ITGA8: variants seen among roughly 807,000 people sequenced by gnomAD.
The protein encoded by ITGA8 is integrin subunit alpha 8.
ITGA8 carries 91 observed loss-of-function variants against 142.3 expected under a neutral mutation model. The observed-to-expected ratio is 0.64, with a 90% CI of 0.54 to 0.76. The LOEUF is 0.76. ITGA8 is among the 30% of genes least tolerant of loss of function. ITGA8 has a pLI of 0.00. For synonymous variants in ITGA8, 505 were observed against 485.2 expected (o/e 1.04, Z -0.54); for missense variants, 1,406 against 1,327.7 (o/e 1.06, Z -0.92).
At chr10:15,699,015 G>A (rs375824550) in intron 2 of ITGA8, among the ~76,000 whole-genome samples, 2 of 152,312 alleles carry the variant, frequency 1.3e-5, no homozygotes, top group East Asian at 3.9e-4. Flanking sequence ...GCTAGGCACA[G>A]TGGCTCATGC....
At chr10:15,543,016 A>T (rs1833602469) in intron 27 of ITGA8, among the ~76,000 whole-genome samples, 1 of 152,242 alleles carries the variant, frequency 6.6e-6, no homozygotes, top group South Asian at 2.1e-4. Context: ...AAAGTAGGCT[A>T]TTAAGAGCAT....
At chr10:15,679,318 C>T (rs1272262729) in intron 4 of ITGA8, among the ~76,000 whole-genome samples, 1 of 152,132 alleles carries the variant, frequency 6.6e-6, no homozygotes, top group Non-Finnish European at 1.5e-5. Flanking sequence ...GTTGTGGTGG[C>T]TCATGCCTGT....
Position 15,700,938 on chromosome 10 carries a change from A to T in ITGA8, c.344-12900T>A, listed in dbSNP as rs1249634861. 2.0e-5 allele frequency among the ~76,000 whole-genome samples: 3 copies of T among 152,178 alleles called. No homozygotes were observed. The East Asian group carries it at 5.8e-4, about 29-fold the overall frequency. On this transcript the variant is annotated intron_variant, in intron 2 of 29. Transcript: ENST00000378076. ...TAGTATACAATACTATATAGGAGTT[A>T]AAAATCTATGTTTTTATATAGGTAT...
intron 13 of ITGA8, among the ~76,000 whole-genome samples, chr10:15,642,532 A>C (rs1215681375): frequency 6.6e-6 from 1 of 152,200 alleles, no homozygotes; most frequent in Non-Finnish European, 1.5e-5. Context: ...TACATAAGGG[A>C]CCTAGATTTT....
At chr10:15,674,418 A>AT (rs1392963704) in intron 6 of ITGA8, among the ~76,000 whole-genome samples, 1 of 152,204 alleles carries the variant, frequency 6.6e-6, no homozygotes, top group African/African-American at 2.4e-5. Flanking sequence ...TGTCTCAGAC[A>AT]TTTTTTCAGT....
At chr10:15,698,154 A>G (rs1345056632) in intron 2 of ITGA8, among the ~76,000 whole-genome samples, 1 of 152,150 alleles carries the variant, frequency 6.6e-6, no homozygotes, top group Non-Finnish European at 1.5e-5. Context: ...GTGAGAACAT[A>G]CAATGTTTGG....
intron 13 of ITGA8, among the ~76,000 whole-genome samples, chr10:15,621,449 C>A (rs1234349054): frequency 1.3e-5 from 2 of 152,080 alleles, no homozygotes; most frequent in Non-Finnish European, 2.9e-5. Context: ...TATTTTATTT[C>A]TTGCAAATCG....
At chr10:15,655,718 C>G (rs1834172312) in intron 10 of ITGA8, among the ~76,000 whole-genome samples, 2 of 152,176 alleles carry the variant, frequency 1.3e-5, no homozygotes, top group Admixed American at 1.3e-4. Flanking sequence ...ACTTCTAGCA[C>G]TTAATCCCAC....
intron 11 of ITGA8, among the ~76,000 whole-genome samples, chr10:15,654,882 G>A (rs145304070): frequency 1.6e-4 from 25 of 152,214 alleles, no homozygotes; most frequent in African/African-American, 4.6e-4. Context: ...AAAATTCACC[G>A]TGCTGTTTGG....
chr10:15,631,405 T>A (rs552795701), intron 13 of ITGA8, among the ~76,000 whole-genome samples: 2 of 152,118 alleles, frequency 1.3e-5, no homozygotes, highest in East Asian at 3.9e-4. Context: ...GATGAGTTCA[T>A]GTCCTTTGCG....
chr10:15,695,552 T>C (rs1009294060), intron 2 of ITGA8, among the ~76,000 whole-genome samples: 8 of 152,206 alleles, frequency 5.3e-5, no homozygotes, highest in Non-Finnish European at 1.0e-4. Context: ...AATGAAACTA[T>C]GATGCATGGA....
At chr10:15,553,373 C>T (rs372805341) in intron 26 of ITGA8, among the ~76,000 whole-genome samples, 18 of 147,144 alleles carry the variant, frequency 1.2e-4, no homozygotes, top group African/African-American at 4.5e-4. Context: ...CTTCATTTGA[C>T]TTAAGTTTAA....
At chr10:15,608,086 GTAA>G in intron 16 of ITGA8, 146 bp downstream of exon 16, 2 of 666,878 alleles carry the variant, frequency 3.0e-6, no homozygotes, top group Non-Finnish European at 5.2e-6. Flanking sequence ...AAGTATTGAA[GTAA>G]TATTTATTAG....
At chr10:15,546,655 T>C (rs140201883) in intron 27 of ITGA8, among the ~76,000 whole-genome samples, 58 of 147,870 alleles carry the variant, frequency 3.9e-4, no homozygotes, top group African/African-American at 1.5e-3. Flanking sequence ...AGTGCAGAGA[T>C]TGAGAAACTC....
chr10:15,641,946 G>A (rs1347012050), intron 13 of ITGA8, among the ~76,000 whole-genome samples: 1 of 152,066 alleles, frequency 6.6e-6, no homozygotes, highest in Non-Finnish European at 1.5e-5. Context: ...TGGCCAACAT[G>A]GTAAAACCCC....
chr10:15,610,913 G>T (rs1306365960), intron 15 of ITGA8, among the ~76,000 whole-genome samples: 1 of 151,866 alleles, frequency 6.6e-6, no homozygotes, highest in East Asian at 1.9e-4. Flanking sequence ...TTTTGTAATT[G>T]GTTAGTCACC....
chr10:15,695,609 C>G lies in ITGA8; in HGVS notation c.344-7571G>C, dbSNP rs141695237. Among the ~76,000 whole-genome samples, 389 of 152,302 alleles carry G rather than the reference C, an allele frequency of 2.6e-3. 2 individuals carry two copies. Among genetic ancestry groups the G allele is most frequent in the African/African-American group, 8.9e-3 (370 of 41,566 alleles). ...ATCTGACCTTTAGTGAAAACTACTT[C>G]CAAGTAATGTCTGTCAATACTCAGC... is the stretch of plus-strand genomic sequence containing the variant. On this transcript the variant is annotated intron_variant, in intron 2 of 29. Transcript: ENST00000378076.
intron 2 of ITGA8, among the ~76,000 whole-genome samples, chr10:15,715,891 G>T (rs1835441588): frequency 6.6e-6 from 1 of 152,232 alleles, no homozygotes; most frequent in Admixed American, 6.5e-5. Context: ...CACAGATGAG[G>T]TATAGAGGGT....
intron 29 of ITGA8, 82 bp downstream of exon 29, chr10:15,519,207 CT>C: frequency 6.6e-7 from 1 of 1,526,080 alleles, no homozygotes; most frequent in Non-Finnish European, 8.9e-7. Context: ...CCATAATTGT[CT>C]TTTAAAATCC....
Sources: gnomAD v4.1 joint callset for allele counts (sites outside exome capture counted in the v4.1 genomes callset) on GRCh38, gnomAD v4.1.1 for gene constraint, MANE v1.5 for transcripts, NCBI Gene and HGNC (gene_info 2026-07-23, HGNC 2026-07-21) for gene names.